Variants in TM2D1 observed in about 807,000 individuals in gnomAD.
The protein encoded by TM2D1 is TM2 domain-containing protein 1.
A neutral mutation model predicts 28.4 loss-of-function variants in TM2D1; 15 were observed. The ratio of observed to expected loss-of-function variants is 0.53; its 90% CI spans 0.35 to 0.81. The LOEUF (loss-of-function observed/expected upper bound fraction) is 0.81. Ranked by LOEUF, TM2D1 falls within the 40% of genes least tolerant of loss-of-function variation. The pLI is 0.01. For synonymous variants in TM2D1, 93 were observed against 96.2 expected, an observed-to-expected ratio of 0.97 and a Z score of 0.20; for missense variants, 236 against 254.9, an observed-to-expected ratio of 0.93 and a Z score of 0.50.
At chr1:61,708,029 A>G (rs1299209440) in intron 3 of TM2D1, among the ~76,000 whole-genome samples, 1 of 152,220 alleles carries the variant, frequency 6.6e-6, no homozygotes, top group Non-Finnish European at 1.5e-5. Context: ...CTTTAGCAGA[A>G]AGAGAAATCA....
intron 5 of TM2D1, among the ~76,000 whole-genome samples, chr1:61,692,619 G>A (rs1644336500): frequency 1.3e-5 from 2 of 152,156 alleles, no homozygotes; most frequent in South Asian, 4.1e-4. Context: ...GCCAGGGCCA[G>A]GCACAGTGAC....
At chr1:61,710,452 A>G (rs2148057952) in intron 2 of TM2D1, among the ~76,000 whole-genome samples, 1 of 117,658 alleles carries the variant, frequency 8.5e-6, no homozygotes, top group East Asian at 2.1e-4. Context: ...AAAAATGTAT[A>G]TATATATATA....
intron 5 of TM2D1, among the ~76,000 whole-genome samples, chr1:61,691,933 ATATATATATATATATATATAT>A (rs1339562689): frequency 1.2e-5 from 1 of 83,026 alleles, no homozygotes; most frequent in Non-Finnish European, 2.6e-5. Context: ...AAAAAAAAAA[ATATATATATATATATATATAT>A]ATATATGTAT....
intron 1 of TM2D1, chr1:61,724,451 G>T (rs1482794618): frequency 6.6e-6 from 1 of 152,508 alleles, no homozygotes; most frequent in Non-Finnish European, 1.5e-5. Flanking sequence ...AAAACAGAAA[G>T]AAATTTGTCT....
rs564626978 is a variant in TM2D1 at position 61,725,054 on chromosome 1, G to A, written c.67C>T (p.Leu23=). The change falls in exon 1 of 7, where the codon CTG becomes TTG. Residue 23 remains leucine, a synonymous_variant. Transcript: ENST00000606498. ...CCTGTAGTGACTGAGACGAACCACAGGACACCAACGAGTCTGGCCGTCACG... is the reference window on the plus strand; with the variant it reads ...CCTGTAGTGACTGAGACGAACCACAAGACACCAACGAGTCTGGCCGTCACG... The part of the protein sequence containing the change: ...EAVTARLVGV[L]WFVSVTTGPW... 4 of 1,613,976 alleles carry A rather than the reference G, an allele frequency of 2.5e-6. No homozygotes were observed. The highest frequency in any genetic ancestry group is 3.3e-5 in the Admixed American group (2 of 60,030).
intron 2 of TM2D1, 50 bp from the exon 3 acceptor site, chr1:61,709,487 C>G: frequency 7.6e-7 from 1 of 1,313,648 alleles, no homozygotes; most frequent in Non-Finnish European, 1.1e-6. Flanking sequence ...TCTGGAGAAA[C>G]AGTATGTAAT....
chr1:61,706,138 C>A (rs1431000173), intron 3 of TM2D1, among the ~76,000 whole-genome samples: 1 of 152,138 alleles, frequency 6.6e-6, no homozygotes, highest in Admixed American at 6.6e-5. Context: ...CTTAGCTTTG[C>A]CACTCTTACC....
At position 61,689,200 on chromosome 1, in the gene TM2D1, C is replaced by T. The variant is rs75208410; in HGVS notation, c.513+5497G>A. On this transcript the variant is annotated intron_variant, in intron 5 of 6. Transcript: ENST00000606498. ...GGCATAGGCTATGTCTTTGACCAAA[C>T]AAACTGGCTCACATAGACGTGATTC... Among the ~76,000 whole-genome samples, 1,035 of 152,270 alleles carry T rather than the reference C, an allele frequency of 6.8e-3. 9 individuals are homozygous for T. The highest frequency in any genetic ancestry group is 0.017 in the Middle Eastern group (5 of 292).
intron 2 of TM2D1, among the ~76,000 whole-genome samples, chr1:61,719,815 T>C (rs1644549313): frequency 6.6e-6 from 1 of 152,200 alleles, no homozygotes; most frequent in South Asian, 2.1e-4. Flanking sequence ...TGCTTTATAC[T>C]ACTCTTATTC....
chr1:61,702,588 A>T (rs1644409740), intron 3 of TM2D1, among the ~76,000 whole-genome samples: 1 of 150,704 alleles, frequency 6.6e-6, no homozygotes, highest in East Asian at 2.0e-4. Flanking sequence ...GGCTGGTATC[A>T]AACTCCTGGC....
rs1175110185 is a variant in TM2D1 at position 61,700,969 on chromosome 1, C to G, written c.404G>C (p.Gly135Ala). The G allele has an allele frequency of 1.9e-6, 3 of 1,611,666 alleles. No individual in the cohort carries two copies. Among genetic ancestry groups the G allele is most frequent in the Admixed American group, 1.7e-5 (1 of 59,772 alleles). ...VALSLFLGWL[G>A]ADRFYLGYPA... ...GTATCCAAGGTAAAATCGATCTGCT[C>G]CCAACCATCCAAGAAAAAGAGACAA... Residue 135 changes from glycine (G) to alanine (A), a missense_variant, in exon 4 of 7, where the codon GGA (glycine) becomes GCA (alanine). By Grantham distance (60) the Gly-to-Ala change is moderately conservative. This residue lies in a region of TM2D1 where 5 missense variants were observed against 19.0 expected (regional missense o/e 0.26). Coordinates refer to ENST00000606498, the MANE Select transcript of TM2D1 (RefSeq NM_032027.3).
intron 4 of TM2D1, among the ~76,000 whole-genome samples, chr1:61,695,597 A>G (rs1557528965): frequency 2.0e-5 from 3 of 152,298 alleles, no homozygotes; most frequent in South Asian, 4.1e-4. Flanking sequence ...GTAGTTCCAT[A>G]TATCAACTAC....
intron 2 of TM2D1, among the ~76,000 whole-genome samples, chr1:61,714,233 T>TA (rs1235478361): frequency 1.4e-5 from 2 of 144,966 alleles, no homozygotes; most frequent in African/African-American, 5.0e-5. Flanking sequence ...AAATGCCTGG[T>TA]AAAAAATATT....
chr1:61,713,453 T>C (rs972789777), intron 2 of TM2D1, among the ~76,000 whole-genome samples: 6 of 126,182 alleles, frequency 4.8e-5, no homozygotes, highest in Non-Finnish European at 9.4e-5. Flanking sequence ...CACTCCAGCC[T>C]GGGTAAGAGG....
intron 5 of TM2D1, among the ~76,000 whole-genome samples, chr1:61,690,456 C>CAAAAAAAAAAAAAAAAAAAAAAAAAAAAA (rs762550068): frequency 5.0e-5 from 3 of 60,036 alleles, no homozygotes; most frequent in African/African-American, 6.4e-5. Context: ...GACTCAGTCT[C>CAAAAAAAAAAAAAAAAAAAAAAAAAAAAA]AAAAAAAAAA....
intron 1 of TM2D1, 138 bp from the exon 2 acceptor site, chr1:61,723,924 T>A: frequency 4.2e-6 from 2 of 471,736 alleles, no homozygotes; most frequent in South Asian, 4.0e-5. Flanking sequence ...AATAAGCATA[T>A]GTACAAATAT....
intron 1 of TM2D1, 92 bp from the exon 2 acceptor site, chr1:61,723,878 T>C: frequency 3.6e-6 from 2 of 558,674 alleles, no homozygotes; most frequent in Non-Finnish European, 6.2e-6. Context: ...ATGTTGATAT[T>C]CACATGTAAA....
chr1:61,701,626 T>C (rs952845654), intron 3 of TM2D1, among the ~76,000 whole-genome samples: 2 of 150,474 alleles, frequency 1.3e-5, no homozygotes, highest in Admixed American at 1.3e-4. Context: ...TGTAGGGAGT[T>C]AGAAAAAGTA....
chr1:61,720,989 G>T (rs1644559218), intron 2 of TM2D1, among the ~76,000 whole-genome samples: 1 of 152,114 alleles, frequency 6.6e-6, no homozygotes, highest in African/African-American at 2.4e-5. Context: ...GGAAAGCCAA[G>T]CAGGTGGATC....
Sources: allele counts gnomAD v4.1 joint callset (sites outside exome capture counted in the v4.1 genomes callset), GRCh38; gene constraint gnomAD v4.1.1; regional missense constraint gnomAD v4.1.1; transcripts MANE v1.5; gene names NCBI Gene and HGNC (gene_info 2026-07-23, HGNC 2026-07-21).